The following GABRB3 variants were observed in gnomAD, a reference collection of about 807,000 sequenced individuals.
GABRB3 encodes the protein gamma-aminobutyric acid receptor subunit beta-3.
Under a neutral mutation model 52.1 loss-of-function variants are expected in GABRB3, and 14 were observed. The observed-to-expected ratio is 0.27, with a 90% CI of 0.18 to 0.42. The LOEUF (loss-of-function observed/expected upper bound fraction) is 0.42, where lower values mean the gene tolerates loss of function less well. Ranked by LOEUF, GABRB3 falls within the 10% of genes least tolerant of loss-of-function variation. The pLI is 1.00. For synonymous variants in GABRB3, 260 were observed against 232.3 expected (o/e 1.12, Z -1.08); for missense variants, 307 against 609.1 (o/e 0.50, Z 5.22).
At chr15:26,658,529 T>C (rs1566793816) in intron 3 of GABRB3, 1 of 152,234 alleles carries the variant, frequency 6.6e-6, no homozygotes, top group South Asian at 2.1e-4. Flanking sequence ...CAGATAGTCA[T>C]AGTTCTCATA....
At chr15:26,746,625 T>G (rs1427760821) in intron 3 of GABRB3, among the ~76,000 whole-genome samples, 1 of 150,192 alleles carries the variant, frequency 6.7e-6, no homozygotes, top group Non-Finnish European at 1.5e-5. Context: ...GAGGTTTAGG[T>G]CAAAGTCATT....
intron 4 of GABRB3, among the ~76,000 whole-genome samples, chr15:26,587,209 C>T (rs1891026183): frequency 1.3e-5 from 2 of 152,136 alleles, no homozygotes; most frequent in Admixed American, 1.3e-4. Context: ...TACAATTATA[C>T]ACTGTCAATT....
Position 26,544,664 on chromosome 15 carries a change from T to C in GABRB3, c.*3129A>G, listed in dbSNP as rs1889161676. 6.6e-6 allele frequency: 1 copy of C among 152,182 alleles called. No homozygotes were observed. The highest frequency in any genetic ancestry group is 2.4e-5 in the African/African-American group (1 of 41,432). 9.4% of individuals were successfully genotyped at this position (152,182 alleles called of 1,614,324 possible). On this transcript the variant is annotated 3_prime_UTR_variant, in exon 9 of 9. Transcript: ENST00000311550. The stretch of plus-strand genomic sequence containing the variant: ...CAGTCTTTCTCTGTAGGGAGTTATG[T>C]AGCAGGGCTCTTCCATTATCTCAAG...
At chr15:26,714,032 C>G (rs534944449) in intron 3 of GABRB3, among the ~76,000 whole-genome samples, 1 of 152,182 alleles carries the variant, frequency 6.6e-6, no homozygotes, top group Non-Finnish European at 1.5e-5. Context: ...AAACTCAACA[C>G]GTGCCAGCAA....
At chr15:26,771,255 T>C (rs1891135136) in intron 3 of GABRB3, among the ~76,000 whole-genome samples, 1 of 152,166 alleles carries the variant, frequency 6.6e-6, no homozygotes, top group Non-Finnish European at 1.5e-5. Context: ...AAATACCCGC[T>C]TCAAAATATT....
At chr15:26,561,198 G>A in intron 7 of GABRB3, 22 bp from the exon 8 acceptor site, 2 of 1,612,764 alleles carry the variant, frequency 1.2e-6, no homozygotes, top group East Asian at 2.2e-5. Context: ...ACAAAGTGGT[G>A]AGAGGCTGAA....
chr15:26,746,375 G>A (rs1466386459), intron 3 of GABRB3, among the ~76,000 whole-genome samples: 1 of 152,024 alleles, frequency 6.6e-6, no homozygotes, highest in African/African-American at 2.4e-5. Flanking sequence ...TGCATGGTTT[G>A]GAGATATTTT....
intron 3 of GABRB3, among the ~76,000 whole-genome samples, chr15:26,650,580 A>C (rs907520253): frequency 1.3e-5 from 2 of 152,002 alleles, no homozygotes; most frequent in African/African-American, 4.8e-5. Flanking sequence ...GCTGAAGACA[A>C]TTTAAAGCCT....
intron 4 of GABRB3, among the ~76,000 whole-genome samples, chr15:26,589,557 T>C (rs960801301): frequency 6.6e-6 from 1 of 152,252 alleles, no homozygotes; most frequent in Non-Finnish European, 1.5e-5. Context: ...GCCAAGGTCC[T>C]GGACCAGCTT....
chr15:26,614,736 CG>C (rs1051078687), intron 4 of GABRB3: 2 of 152,072 alleles, frequency 1.3e-5, no homozygotes. Flanking sequence ...CAAACGAATT[CG>C]ATGATTTAAT....
chr15:26,605,746 G>T (rs1217714809), intron 4 of GABRB3, among the ~76,000 whole-genome samples: 2 of 152,178 alleles, frequency 1.3e-5, no homozygotes, highest in African/African-American at 2.4e-5. Flanking sequence ...CACGGAGATA[G>T]AGACTAGAAG....
intron 3 of GABRB3, among the ~76,000 whole-genome samples, chr15:26,626,194 G>A (rs558574235): frequency 6.6e-6 from 1 of 152,142 alleles, no homozygotes; most frequent in South Asian, 2.1e-4. Flanking sequence ...TTATCACTCT[G>A]GGGCACCAGG....
At chr15:26,667,370 C>T (rs1273086371) in intron 3 of GABRB3, among the ~76,000 whole-genome samples, 1 of 152,084 alleles carries the variant, frequency 6.6e-6, no homozygotes, top group Non-Finnish European at 1.5e-5. Flanking sequence ...TTTCATCCGC[C>T]CCCTTTCATC....
In GABRB3 at chr15:26,667,383, AAC is replaced by A. The variant is rs558351802; in HGVS notation, c.241-45851_241-45850del. 2.2e-3 allele frequency among the ~76,000 whole-genome samples: 341 copies of A among 152,184 alleles called. 1 individual carries two copies. The highest frequency in any genetic ancestry group is 8.0e-3 in the African/African-American group (331 of 41,526). ...ATTTTCATCCGCCCCCTTTCATCTT[AAC>A]TGCTCTGACTAATGCGGCCACCGGA... On this transcript the variant is annotated intron_variant, in intron 3 of 8. Transcript: ENST00000311550.
chr15:26,589,502 T>C (rs182089112), intron 4 of GABRB3, among the ~76,000 whole-genome samples: 3 of 152,322 alleles, frequency 2.0e-5, no homozygotes, highest in African/African-American at 7.2e-5. Context: ...GATTAAAATG[T>C]CCATTGCAAG....
rs1223755256 is a variant in GABRB3 at position 26,621,584 on chromosome 15, G to A, written c.241-50C>T. On this transcript the variant is annotated intron_variant, in intron 3 of 8. Coordinates refer to ENST00000311550, the MANE Select transcript of GABRB3 (RefSeq NM_000814.6). This position sits in a 1 kb window ranked among gnomAD's most constrained non-coding sequence, Gnocchi z 4.1. ...AGTTAGTTTGTACCCAGCCACAGGT[G>A]TATTTCCTCCACGACCAGCCAAATT... 2.7e-6 allele frequency: 4 copies of A among 1,489,056 alleles called. No homozygotes were observed. The highest frequency in any genetic ancestry group is 1.1e-5 in the South Asian group (1 of 88,100). 92.2% of individuals were successfully genotyped at this position (1,489,056 alleles called of 1,614,324 possible).
chr15:26,748,560 TTC>T (rs1243505317), intron 3 of GABRB3, among the ~76,000 whole-genome samples: 1 of 152,224 alleles, frequency 6.6e-6, no homozygotes, highest in Non-Finnish European at 1.5e-5. Flanking sequence ...GTGTGATAGC[TTC>T]TGTTTCATTC....
At chr15:26,595,150 C>T (rs1446123190) in intron 4 of GABRB3, among the ~76,000 whole-genome samples, 1 of 152,186 alleles carries the variant, frequency 6.6e-6, no homozygotes, top group Admixed American at 6.5e-5. Flanking sequence ...CCAAAACCTC[C>T]CAACCCAGGC....
intron 3 of GABRB3, among the ~76,000 whole-genome samples, chr15:26,664,888 C>A (rs1887661265): frequency 6.6e-6 from 1 of 151,726 alleles, no homozygotes; most frequent in Non-Finnish European, 1.5e-5. Flanking sequence ...TTAGTACAGA[C>A]AGGGTTTCTC....
Sources: gnomAD v4.1 joint callset for allele counts (sites outside exome capture counted in the v4.1 genomes callset) on GRCh38, gnomAD v4.1.1 for gene constraint, Gnocchi (gnomAD v3.1) non-coding constraint, MANE v1.5 for transcripts, NCBI Gene and HGNC (gene_info 2026-07-23, HGNC 2026-07-21) for gene names.